NCOA2: variants seen among roughly 807,000 people sequenced by gnomAD.
NCOA2 encodes the protein class E basic helix-loop-helix protein 75.
NCOA2 carries 21 observed loss-of-function variants against 145.1 expected under a neutral mutation model. The observed-to-expected ratio is 0.14, with a 90% CI of 0.10 to 0.21. The LOEUF (loss-of-function observed/expected upper bound fraction) is 0.21. Among genes scored for constraint, NCOA2 ranks in the 10% least tolerant of loss-of-function variants. The pLI is 1.00. For missense variants in NCOA2, 1,472 were observed against 1,837.6 expected (o/e 0.80, Z 3.64); for synonymous variants, 619 against 637.5 (o/e 0.97, Z 0.44).
At chr8:70,240,916 A>G (rs563760868) in intron 2 of NCOA2, among the ~76,000 whole-genome samples, 5 of 152,282 alleles carry the variant, frequency 3.3e-5, no homozygotes, top group South Asian at 4.1e-4. Flanking sequence ...ATGCTATTAC[A>G]TTAAAGGTAG....
chr8:70,413,738 CAG>C, the NCOA2 span, among the ~76,000 whole-genome samples: 3 of 152,196 alleles, frequency 2.0e-5, no homozygotes, highest in African/African-American at 7.2e-5. Flanking sequence ...AAAATATTTA[CAG>C]AGTCAATCAA....
chr8:70,380,648 A>C (rs1323028741), intron 1 of NCOA2, among the ~76,000 whole-genome samples: 3 of 152,092 alleles, frequency 2.0e-5, no homozygotes, highest in Non-Finnish European at 4.4e-5. Context: ...TACAGCCCTC[A>C]TTCTCCAAGC....
chr8:70,380,397 TCACA>T (rs200062340), intron 1 of NCOA2, among the ~76,000 whole-genome samples: 2 of 151,870 alleles, frequency 1.3e-5, no homozygotes, highest in Admixed American at 6.6e-5. Flanking sequence ...ACTCACTCAC[TCACA>T]CACACACATA....
At chr8:70,347,959 AC>A (rs970111567) in intron 1 of NCOA2, among the ~76,000 whole-genome samples, 1 of 152,220 alleles carries the variant, frequency 6.6e-6, no homozygotes, top group African/African-American at 2.4e-5. Flanking sequence ...GAAATAAAAA[AC>A]AACTGTAATC....
At chr8:70,396,122 T>C (rs1447643502) in intron 1 of NCOA2, among the ~76,000 whole-genome samples, 1 of 152,230 alleles carries the variant, frequency 6.6e-6, no homozygotes, top group African/African-American at 2.4e-5. Context: ...CCATGCTACA[T>C]GATTACAAAA....
At chr8:70,383,784 C>T (rs908553278) in intron 1 of NCOA2, among the ~76,000 whole-genome samples, 5 of 152,150 alleles carry the variant, frequency 3.3e-5, no homozygotes, top group African/African-American at 1.2e-4. Context: ...AGATTACAGG[C>T]GTGAGCCACC....
chr8:70,171,630 G>A (rs147432853), intron 5 of NCOA2, among the ~76,000 whole-genome samples: 5 of 152,182 alleles, frequency 3.3e-5, no homozygotes, highest in Admixed American at 6.5e-5. Flanking sequence ...AGGGCCATGG[G>A]GTCTAGTCAG....
intron 4 of NCOA2, among the ~76,000 whole-genome samples, chr8:70,193,776 A>G (rs1363674840): frequency 6.6e-6 from 1 of 152,202 alleles, no homozygotes; most frequent in Admixed American, 6.5e-5. Flanking sequence ...ACAGGCTTAA[A>G]TAAGAAATCA....
chr8:70,372,413 C>T (rs747246423), intron 1 of NCOA2, among the ~76,000 whole-genome samples: 2 of 152,138 alleles, frequency 1.3e-5, no homozygotes, highest in Non-Finnish European at 2.9e-5. Flanking sequence ...AAACTGAGCA[C>T]GCATAGCCAG....
At chr8:70,188,249 T>C (rs1359303480) in intron 4 of NCOA2, among the ~76,000 whole-genome samples, 8 of 152,250 alleles carry the variant, frequency 5.3e-5, no homozygotes, top group African/African-American at 1.4e-4. Flanking sequence ...TTGTGTGTTG[T>C]TTTTAAATTA....
chr8:70,399,851 A>C (rs1016062103), intron 1 of NCOA2, among the ~76,000 whole-genome samples: 3 of 152,238 alleles, frequency 2.0e-5, no homozygotes, highest in African/African-American at 7.2e-5. Flanking sequence ...AATACAACAC[A>C]AACAATTTTT....
intron 1 of NCOA2, among the ~76,000 whole-genome samples, chr8:70,393,541 C>T (rs997673608): frequency 1.3e-5 from 2 of 152,076 alleles, no homozygotes; most frequent in African/African-American, 4.8e-5. Flanking sequence ...CCACCCCCAC[C>T]CATACACACA....
intron 18 of NCOA2, among the ~76,000 whole-genome samples, chr8:70,127,641 A>G (rs1808586751): frequency 1.3e-5 from 2 of 152,216 alleles, no homozygotes; most frequent in Non-Finnish European, 2.9e-5. Flanking sequence ...GGCTGCTAAG[A>G]TATCGTTGAT....
chr8:70,421,452 G>A, the NCOA2 span, among the ~76,000 whole-genome samples: 1 of 152,110 alleles, frequency 6.6e-6, no homozygotes, highest in South Asian at 2.1e-4. Flanking sequence ...TAGCTACTCA[G>A]GATGCGGAGG....
chr8:70,312,393 C>G (rs1805205508), intron 1 of NCOA2, among the ~76,000 whole-genome samples: 1 of 152,070 alleles, frequency 6.6e-6, no homozygotes, highest in African/African-American at 2.4e-5. Flanking sequence ...ATCAATGTAT[C>G]TTTCTTGGGG....
At chr8:70,418,530 A>G in the NCOA2 span, among the ~76,000 whole-genome samples, 1 of 152,214 alleles carries the variant, frequency 6.6e-6, no homozygotes, top group African/African-American at 2.4e-5. Context: ...TGGACTTCCA[A>G]TCAGTGGATG....
intron 5 of NCOA2, among the ~76,000 whole-genome samples, chr8:70,174,398 G>A (rs995243795): frequency 2.0e-5 from 3 of 152,120 alleles, no homozygotes; most frequent in Non-Finnish European, 4.4e-5. Context: ...ATAGGCATTT[G>A]TACATGGCAT....
intron 2 of NCOA2, among the ~76,000 whole-genome samples, chr8:70,294,641 T>C (rs1232700279): frequency 6.6e-6 from 1 of 152,234 alleles, no homozygotes; most frequent in Admixed American, 6.5e-5. Flanking sequence ...AATATGAATA[T>C]GATTTTCATG....
At chr8:70,223,664 C>A (rs1475885793) in intron 2 of NCOA2, among the ~76,000 whole-genome samples, 1 of 152,172 alleles carries the variant, frequency 6.6e-6, no homozygotes, top group African/African-American at 2.4e-5. Context: ...TTTCTACGTA[C>A]TTTACCTGTA....
Sources: allele counts gnomAD v4.1 joint callset (sites outside exome capture counted in the v4.1 genomes callset), GRCh38; gene constraint gnomAD v4.1.1; transcripts MANE v1.5; gene names NCBI Gene and HGNC (gene_info 2026-07-23, HGNC 2026-07-21).